The following MORF4L1 variants were observed in gnomAD, a reference collection of about 807,000 sequenced individuals.
MORF4L1 encodes mortality factor 4-like protein 1.
A neutral mutation model predicts 52.9 loss-of-function variants in MORF4L1; 4 were observed. The ratio of observed to expected loss-of-function variants is 0.08; its 90% CI spans 0.04 to 0.17. The LOEUF (loss-of-function observed/expected upper bound fraction) is 0.17. Among genes scored for constraint, MORF4L1 ranks in the 10% least tolerant of loss-of-function variants. The pLI is 1.00. For synonymous variants in MORF4L1, 123 were observed against 134.8 expected (o/e 0.91, Z 0.61); for missense variants, 214 against 390.4 (o/e 0.55, Z 3.81).
Position 78,887,335 on chromosome 15 carries a change from GA to G in MORF4L1, c.314del (p.Asn105MetfsTer4). 1 of 1,611,414 alleles carries G rather than the reference GA, an allele frequency of 6.2e-7. No homozygotes were observed. Among genetic ancestry groups the G allele is most frequent in the Admixed American group, 1.7e-5 (1 of 58,902 alleles). ...PGKKTSGLQQ[K>X]NVEVKTKKNK... The stretch of plus-strand genomic sequence containing the variant: ...GAAAGAAGACATCTGGTCTGCAACA[GA>G]AAAATGTTGAAGTGTAAGAAGCTCT... On this transcript the variant is annotated frameshift_variant, in exon 5 of 12. Transcript: ENST00000426013. LOFTEE classifies it high-confidence loss of function.
At chr15:78,894,564 C>T (rs2056853911) in intron 10 of MORF4L1, 3 of 451,338 alleles carry the variant, frequency 6.6e-6, no homozygotes, top group Non-Finnish European at 1.2e-5. Flanking sequence ...TGCACCACCA[C>T]ATCTGTGGTA....
chr15:78,885,973 C>G (rs1222326507), intron 3 of MORF4L1, among the ~76,000 whole-genome samples, 168 bp from the exon 4 acceptor site: 1 of 152,132 alleles, frequency 6.6e-6, no homozygotes, highest in Non-Finnish European at 1.5e-5. Flanking sequence ...AAAAGTTTTC[C>G]TTTTTACAGA....
intron 3 of MORF4L1, among the ~76,000 whole-genome samples, chr15:78,885,496 C>T (rs544571781): frequency 6.6e-6 from 1 of 152,288 alleles, no homozygotes; most frequent in South Asian, 2.1e-4. Context: ...AGTGTGTATT[C>T]ATTTGTGACT....
intron 6 of MORF4L1, 146 bp downstream of exon 6, chr15:78,891,160 A>T (rs983862816): frequency 9.6e-7 from 1 of 1,046,968 alleles, no homozygotes; most frequent in African/African-American, 1.6e-5. Flanking sequence ...TAAAATAGGT[A>T]CATGGTGGTA....
chr15:78,881,446 T>A (rs2056602456), intron 3 of MORF4L1, among the ~76,000 whole-genome samples: 1 of 152,076 alleles, frequency 6.6e-6, no homozygotes, highest in African/African-American at 2.4e-5. Flanking sequence ...TCCACCCGCC[T>A]CGGCCTCCCA....
intron 3 of MORF4L1, chr15:78,884,955 T>C (rs1273298970): frequency 1.9e-6 from 3 of 1,602,346 alleles, no homozygotes; most frequent in East Asian, 4.5e-5. Flanking sequence ...TGTACTATGC[T>C]GTCTGTATCA....
At chr15:78,894,533 A>G (rs2141486418) in intron 10 of MORF4L1, 1 of 382,864 alleles carries the variant, frequency 2.6e-6, no homozygotes, top group Admixed American at 4.2e-5. Context: ...TCAGCCTCCC[A>G]AGTAGCTGGG....
At chr15:78,877,890 T>C (rs768110395) in intron 1 of MORF4L1, 20 of 224,316 alleles carry the variant, frequency 8.9e-5, no homozygotes, top group Non-Finnish European at 1.4e-4. Context: ...TATTTTCAGA[T>C]ATATAGTTAA....
intron 3 of MORF4L1, among the ~76,000 whole-genome samples, chr15:78,881,808 T>C (rs563302975): frequency 6.6e-6 from 1 of 152,248 alleles, no homozygotes; most frequent in Non-Finnish European, 1.5e-5. Flanking sequence ...TGTCCTCTAG[T>C]AACTTAAGGC....
chr15:78,891,185 C>G (rs1212877057), intron 6 of MORF4L1, 171 bp downstream of exon 6: 6 of 835,658 alleles, frequency 7.2e-6, no homozygotes, highest in Non-Finnish European at 1.1e-5. Flanking sequence ...CCTCTTTTTG[C>G]CAAGGAGAAA....
rs1440670546 is a variant in MORF4L1 at position 78,873,156 on chromosome 15, C to T, written c.40+99C>T. On this transcript the variant is annotated intron_variant, in intron 1 of 11. Transcript: ENST00000426013. The stretch of plus-strand genomic sequence containing the variant: ...TGAGGGCCGGGGGCGGCGCGGGCTG[C>T]GCCCTGAGAAGGCGGCGGTCAGTGC... 4.6e-6 allele frequency: 7 copies of T among 1,537,554 alleles called. No homozygotes were observed. The African/African-American group carries it at 8.3e-5, about 18-fold the overall frequency.
chr15:78,878,375 G>GT, intron 2 of MORF4L1, 116 bp downstream of exon 2: 1 of 758,404 alleles, frequency 1.3e-6, no homozygotes, highest in Non-Finnish European at 2.0e-6. Flanking sequence ...CCTTTTTTAG[G>GT]TTCGTAGTTA....
At chr15:78,884,946 G>T (rs2056672965) in intron 3 of MORF4L1, 8 of 1,580,970 alleles carry the variant, frequency 5.1e-6, no homozygotes, top group Non-Finnish European at 6.1e-6. Flanking sequence ...AGATTACTTT[G>T]TACTATGCTG....
intron 3 of MORF4L1, among the ~76,000 whole-genome samples, chr15:78,884,270 T>G (rs1351155089): frequency 1.3e-5 from 2 of 151,524 alleles, no homozygotes; most frequent in Non-Finnish European, 2.9e-5. Context: ...TCCCAGCACT[T>G]TGGGAGGCCT....
At chr15:78,883,053 A>T (rs1298013020) in intron 3 of MORF4L1, among the ~76,000 whole-genome samples, 1 of 152,130 alleles carries the variant, frequency 6.6e-6, no homozygotes, top group Non-Finnish European at 1.5e-5. Context: ...CATCTCTACT[A>T]AAAATAAAAA....
intron 3 of MORF4L1, chr15:78,884,867 C>T (rs1286299736): frequency 1.5e-6 from 1 of 665,116 alleles, no homozygotes; most frequent in Non-Finnish European, 2.4e-6. Flanking sequence ...TTTGTTGACA[C>T]ACACTTAAAT....
intron 1 of MORF4L1, chr15:78,874,036 A>C (rs973958348): frequency 6.6e-6 from 1 of 152,204 alleles, no homozygotes; most frequent in Non-Finnish European, 1.5e-5. Context: ...TTCGATTGAC[A>C]TGAGTTTTGG....
intron 3 of MORF4L1, among the ~76,000 whole-genome samples, chr15:78,880,843 G>T (rs1275989606): frequency 6.8e-6 from 1 of 148,038 alleles, no homozygotes; most frequent in Non-Finnish European, 1.5e-5. Context: ...AATTATTCTG[G>T]TTGAATGTGG....
intron 1 of MORF4L1, 125 bp downstream of exon 1, chr15:78,873,182 T>G: frequency 6.6e-7 from 1 of 1,523,600 alleles, no homozygotes; most frequent in Non-Finnish European, 8.8e-7. Context: ...CGGTCAGTGC[T>G]TTGTGCGGGG....
Sources: allele counts gnomAD v4.1 joint callset (sites outside exome capture counted in the v4.1 genomes callset), GRCh38; gene constraint gnomAD v4.1.1; transcripts MANE v1.5; gene names NCBI Gene and HGNC (gene_info 2026-07-23, HGNC 2026-07-21).